KCNC4: variants seen among roughly 807,000 people sequenced by gnomAD.
KCNC4 encodes voltage-gated potassium channel KCNC4.
KCNC4 carries 23 observed loss-of-function variants against 42.8 expected under a neutral mutation model. The ratio of observed to expected loss-of-function variants is 0.54; its 90% CI spans 0.39 to 0.76. KCNC4 has a LOEUF of 0.76. KCNC4 is among the 30% of genes least tolerant of loss of function. The pLI is 0.00. For synonymous variants in KCNC4, 422 were observed against 393.5 expected, an observed-to-expected ratio of 1.07 and a Z score of -0.86; for missense variants, 751 against 898.2, an observed-to-expected ratio of 0.84 and a Z score of 2.10.
downstream of KCNC4, chr1:110,237,461 A>G (rs538285920): frequency 1.3e-5 from 2 of 152,192 alleles, no homozygotes; most frequent in South Asian, 4.1e-4. Context: ...AAAAAAAAAA[A>G]CTTTCTAACA....
intron 2 of KCNC4, chr1:110,224,994 G>A (rs1557859753): frequency 6.6e-6 from 1 of 152,186 alleles, no homozygotes; most frequent in African/African-American, 2.4e-5. Flanking sequence ...CAGGGGCCTG[G>A]GTCTTCCGAA....
At chr1:110,257,578 A>C (rs1335979471) in intron 1 of KCNC4, among the ~76,000 whole-genome samples, 3 of 151,754 alleles carry the variant, frequency 2.0e-5, no homozygotes, top group African/African-American at 7.3e-5. Context: ...AAAATTAGCC[A>C]GGCAAGGTGG....
At position 110,223,012 on chromosome 1, in the gene KCNC4, TTC is replaced by T. The variant is rs1658182666; in HGVS notation, c.729_730del (p.Phe243LeufsTer6). 1 of 1,614,040 alleles carries T rather than the reference TTC, an allele frequency of 6.2e-7. No homozygotes were observed. Among genetic ancestry groups the T allele is most frequent in the Non-Finnish European group, 8.5e-7 (1 of 1,180,040 alleles). ...CTTCATCCTGGTCTCCATCACCACT[TTC>T]TGCCTGGAGACCCATGAGGCCTTTA... ...LFFILVSITT[F>X]CLETHEAFNI... On this transcript the variant is annotated frameshift_variant, in exon 2 of 4. Coordinates refer to ENST00000438661, the MANE Select transcript of KCNC4 (RefSeq NM_001039574.3). LOFTEE classifies it high-confidence loss of function. This position sits in a 1 kb window ranked among gnomAD's most constrained non-coding sequence, Gnocchi z 7.5.
chr1:110,280,184 G>A (rs7542042), intron 1 of KCNC4, among the ~76,000 whole-genome samples: 3,691 of 152,060 alleles, frequency 0.024, 147 homozygotes, highest in African/African-American at 0.084. Flanking sequence ...TAACCATTTC[G>A]CAGAAATCGA....
chr1:110,248,597 A>G (rs751972609), exon 4 of KCNC4: 29 of 152,172 alleles, frequency 1.9e-4, no homozygotes, highest in Middle Eastern at 3.2e-3. Context: ...AGTTCCTCAA[A>G]TGCTCTTTGA....
At chr1:110,239,985 A>G (rs1017159229) in exon 4 of KCNC4, 1 of 152,160 alleles carries the variant, frequency 6.6e-6, no homozygotes, top group Admixed American at 6.6e-5. Context: ...GTTGAAGTGA[A>G]TGAAGGATAT....
intron 1 of KCNC4, among the ~76,000 whole-genome samples, chr1:110,258,577 C>T (rs184019399): frequency 1.3e-5 from 2 of 152,286 alleles, no homozygotes; most frequent in South Asian, 2.1e-4. Flanking sequence ...TCTAAATTTT[C>T]TTCAGCGTGT....
chr1:110,224,024 T>C, intron 2 of KCNC4, 124 bp downstream of exon 2: 1 of 808,404 alleles, frequency 1.2e-6, no homozygotes. Flanking sequence ...CATAAAGATG[T>C]GCCTTTATGA....
At chr1:110,276,614 A>G (rs760846784) in intron 1 of KCNC4, among the ~76,000 whole-genome samples, 1 of 152,142 alleles carries the variant, frequency 6.6e-6, no homozygotes, top group Non-Finnish European at 1.5e-5. Context: ...CCTCAGGACC[A>G]TCCAGTCCAG....
downstream of KCNC4, chr1:110,235,182 G>A (rs1204454365): frequency 6.6e-6 from 1 of 152,290 alleles, no homozygotes; most frequent in Non-Finnish European, 1.5e-5. Context: ...CCGAGGAGAG[G>A]GAAGAAGCCA....
chr1:110,220,472 T>G (rs903567447), intron 1 of KCNC4: 2 of 139,148 alleles, frequency 1.4e-5, no homozygotes, highest in African/African-American at 5.1e-5. Context: ...CATGCCGCCC[T>G]CCCTCCCTCC....
chr1:110,267,418 C>T (rs1173669716), intron 1 of KCNC4, among the ~76,000 whole-genome samples: 1 of 152,076 alleles, frequency 6.6e-6, no homozygotes, highest in African/African-American at 2.4e-5. Context: ...CGAGGCCCGT[C>T]CTTATTCCCC....
At chr1:110,249,166 C>A (rs1047557986), downstream of KCNC4, 1 of 152,222 alleles carries the variant, frequency 6.6e-6, no homozygotes, top group African/African-American at 2.4e-5. Flanking sequence ...GTAAGACAAC[C>A]CTAACTGCTT....
At chr1:110,250,765 C>T (rs1046211762), downstream of KCNC4, among the ~76,000 whole-genome samples, 1 of 152,126 alleles carries the variant, frequency 6.6e-6, no homozygotes, top group African/African-American at 2.4e-5. Flanking sequence ...AGGAAGACCC[C>T]CTACACAGCC....
In KCNC4 at chr1:110,228,012, C is replaced by T. The variant is rs1040840024; in HGVS notation, c.1819+1834C>T. Among the ~76,000 whole-genome samples, 26 of 152,238 alleles carry T rather than the reference C, an allele frequency of 1.7e-4. No homozygotes were observed. In the East Asian group the frequency reaches 3.9e-3, roughly 23 times the overall value. On this transcript the variant is annotated intron_variant, in intron 3 of 3. Coordinates refer to ENST00000438661, the MANE Select transcript of KCNC4 (RefSeq NM_001039574.3). Reference sequence around the variant, plus strand: ...TAGCTCAGCCAATTAGAGTGACCTTCGAGAGGGAACAGGTGGGTTGCTGGG... The same window carrying T: ...TAGCTCAGCCAATTAGAGTGACCTTTGAGAGGGAACAGGTGGGTTGCTGGG...
intron 1 of KCNC4, among the ~76,000 whole-genome samples, chr1:110,267,914 C>T (rs1659570901): frequency 2.0e-5 from 3 of 152,198 alleles, no homozygotes; most frequent in Non-Finnish European, 4.4e-5. Flanking sequence ...ATTCGTAATA[C>T]ATGGTTAGAA....
chr1:110,227,911 T>C (rs959427237), intron 3 of KCNC4, among the ~76,000 whole-genome samples: 2 of 152,132 alleles, frequency 1.3e-5, no homozygotes, highest in Admixed American at 6.5e-5. Flanking sequence ...CACCATCCAG[T>C]ATCCCTGGGG....
At chr1:110,213,271 G>A (rs1188810576) in intron 1 of KCNC4, among the ~76,000 whole-genome samples, 1 of 149,950 alleles carries the variant, frequency 6.7e-6, no homozygotes, top group Non-Finnish European at 1.5e-5. Context: ...ATGGTCAGCA[G>A]CCTAAAGCCT....
chr1:110,215,419 T>C (rs1053321311), intron 1 of KCNC4, among the ~76,000 whole-genome samples: 1 of 152,214 alleles, frequency 6.6e-6, no homozygotes, highest in East Asian at 1.9e-4. Flanking sequence ...TCCGAAACTT[T>C]AGAAACCTGC....
Sources: allele counts gnomAD v4.1 joint callset (sites outside exome capture counted in the v4.1 genomes callset), GRCh38; gene constraint gnomAD v4.1.1; non-coding constraint Gnocchi (gnomAD v3.1); transcripts MANE v1.5; gene names NCBI Gene and HGNC (gene_info 2026-07-23, HGNC 2026-07-21).